KCNMA1: variants seen among roughly 807,000 people sequenced by gnomAD.
The protein encoded by KCNMA1 is potassium calcium-activated channel subfamily M alpha 1.
KCNMA1 carries 29 observed loss-of-function variants against 140.0 expected under a neutral mutation model. The observed-to-expected ratio is 0.21, with a 90% CI of 0.15 to 0.28. The LOEUF is 0.28. Ranked by LOEUF, KCNMA1 falls within the 10% of genes least tolerant of loss-of-function variation. KCNMA1 has a pLI of 1.00. For missense variants in KCNMA1, 880 were observed against 1,602.2 expected, an observed-to-expected ratio of 0.55 and a Z score of 7.70; for synonymous variants, 612 against 611.9, an observed-to-expected ratio of 1.00 and a Z score of 0.00.
In KCNMA1 at chr10:77,343,986, C is replaced by T. The variant is rs144928552; in HGVS notation, c.540+59876G>A. 3.5e-3 allele frequency among the ~76,000 whole-genome samples: 527 copies of T among 152,308 alleles called. 1 individual carries two copies. Among genetic ancestry groups the T allele is most frequent in the African/African-American group, 0.012 (499 of 41,560 alleles). On this transcript the variant is annotated intron_variant, in intron 2 of 27. Transcript: ENST00000286628. ...TCATGGGCCTAGGCATCAGAAGCTC[C>T]GCCATCTTGCACTGCAACCCTGGAA...
At chr10:77,245,924 A>T (rs2058446485) in intron 3 of KCNMA1, among the ~76,000 whole-genome samples, 1 of 152,180 alleles carries the variant, frequency 6.6e-6, no homozygotes, top group South Asian at 2.1e-4. Flanking sequence ...AGCCATTATT[A>T]GGAAGAACTG....
intron 1 of KCNMA1, among the ~76,000 whole-genome samples, chr10:77,480,697 G>C (rs915733981): frequency 3.9e-5 from 6 of 152,006 alleles, no homozygotes; most frequent in African/African-American, 1.5e-4. Flanking sequence ...CAAGACTCTG[G>C]AGCCACAGCT....
chr10:77,035,047 C>T (rs868047300), intron 15 of KCNMA1, among the ~76,000 whole-genome samples: 15 of 152,104 alleles, frequency 9.9e-5, no homozygotes, highest in African/African-American at 2.7e-4. Context: ...CCCTCGCTTT[C>T]GCAAGTGCTC....
chr10:76,878,690 A>G (rs910684759), intron 29 of KCNMA1, among the ~76,000 whole-genome samples: 3 of 152,162 alleles, frequency 2.0e-5, no homozygotes, highest in Non-Finnish European at 4.4e-5. Flanking sequence ...TCCACCCTAA[A>G]TACAGAAATG....
chr10:77,578,163 G>A (rs575731621), intron 1 of KCNMA1, among the ~76,000 whole-genome samples: 1 of 152,322 alleles, frequency 6.6e-6, no homozygotes, highest in South Asian at 2.1e-4. Context: ...TCTCCTGAGT[G>A]GTGTGTGGAC....
At chr10:77,248,718 AT>A (rs968667294) in intron 3 of KCNMA1, among the ~76,000 whole-genome samples, 22 of 151,050 alleles carry the variant, frequency 1.5e-4, no homozygotes, top group Non-Finnish European at 2.2e-4. Context: ...ATAGAACTTC[AT>A]TTTTTTTTCT....
intron 21 of KCNMA1, chr10:76,952,235 A>G (rs2066541856): frequency 1.3e-6 from 2 of 1,487,596 alleles, no homozygotes; most frequent in Admixed American, 2.1e-5. Context: ...GAATGTACAT[A>G]TATGGCTGGG....
At chr10:77,035,640 A>G (rs2094274458) in intron 15 of KCNMA1, among the ~76,000 whole-genome samples, 1 of 152,376 alleles carries the variant, frequency 6.6e-6, no homozygotes, top group African/African-American at 2.4e-5. Context: ...CAATTCATTA[A>G]ATATCTGATT....
At chr10:77,084,099 C>T (rs1023847767) in intron 12 of KCNMA1, among the ~76,000 whole-genome samples, 2 of 152,072 alleles carry the variant, frequency 1.3e-5, no homozygotes, top group South Asian at 2.1e-4. Flanking sequence ...TTCTCAGCCT[C>T]GACACCATTA....
chr10:77,431,603 A>G (rs2097152259), intron 1 of KCNMA1, among the ~76,000 whole-genome samples: 1 of 148,248 alleles, frequency 6.7e-6, no homozygotes, highest in African/African-American at 2.5e-5. Flanking sequence ...CTAAGGGCTC[A>G]GCCCTAGGGC....
At chr10:77,014,155 G>A (rs2091486178) in intron 17 of KCNMA1, among the ~76,000 whole-genome samples, 1 of 152,190 alleles carries the variant, frequency 6.6e-6, no homozygotes, top group African/African-American at 2.4e-5. Context: ...TTGGCTGGGT[G>A]TGGCGGCTGA....
chr10:77,401,345 TG>T (rs1295868721), intron 2 of KCNMA1, among the ~76,000 whole-genome samples: 3 of 152,036 alleles, frequency 2.0e-5, no homozygotes, highest in Admixed American at 1.3e-4. Context: ...TTAGTAGAGA[TG>T]GGGTTTCACT....
In KCNMA1 at chr10:76,897,567, G is replaced by A. The variant is rs537121087; in HGVS notation, c.3148-5848C>T. 1.5e-3 allele frequency among the ~76,000 whole-genome samples: 228 copies of A among 151,966 alleles called. 3 individuals are homozygous for A. Among genetic ancestry groups the A allele is most frequent in the African/African-American group, 5.0e-3 (209 of 41,470 alleles). On this transcript the variant is annotated intron_variant, in intron 25 of 27. Transcript: ENST00000286628. Reference sequence around the variant, plus strand: ...ATTTTTTGACTCTTTGCGTACATAAGCATTTATTGATTTAATTTTTTTAAA... The same window carrying A: ...ATTTTTTGACTCTTTGCGTACATAAACATTTATTGATTTAATTTTTTTAAA...
intron 1 of KCNMA1, among the ~76,000 whole-genome samples, chr10:77,455,634 G>A (rs1400864975): frequency 6.6e-6 from 1 of 152,144 alleles, no homozygotes; most frequent in African/African-American, 2.4e-5. Flanking sequence ...ACTCAGGCAG[G>A]GCTTGAGGCC....
intron 2 of KCNMA1, among the ~76,000 whole-genome samples, chr10:77,326,805 G>A (rs1340530318): frequency 6.6e-6 from 1 of 152,014 alleles, no homozygotes; most frequent in Non-Finnish European, 1.5e-5. Context: ...TTCCACTTTG[G>A]GCCTCAGCTT....
intron 1 of KCNMA1, among the ~76,000 whole-genome samples, chr10:77,605,145 G>A (rs962485332): frequency 1.3e-5 from 2 of 152,242 alleles, no homozygotes; most frequent in Non-Finnish European, 2.9e-5. Context: ...CAAGGACCGC[G>A]CCCAGCCGCA....
At chr10:77,263,302 C>A (rs1166423968) in intron 2 of KCNMA1, among the ~76,000 whole-genome samples, 1 of 152,186 alleles carries the variant, frequency 6.6e-6, no homozygotes, top group African/African-American at 2.4e-5. Context: ...CTCTAGTCTA[C>A]AACCAATGCC....
chr10:77,210,141 T>C (rs2045578230), intron 3 of KCNMA1, among the ~76,000 whole-genome samples: 1 of 152,136 alleles, frequency 6.6e-6, no homozygotes. Context: ...ATATCCCTGA[T>C]GAACATAGAT....
chr10:77,167,341 G>A (rs1045407134), intron 5 of KCNMA1, among the ~76,000 whole-genome samples: 3 of 152,172 alleles, frequency 2.0e-5, no homozygotes, highest in Non-Finnish European at 4.4e-5. Context: ...CCTTTGAAGA[G>A]AGACATTCAC....
Sources: gnomAD v4.1 joint callset for allele counts (sites outside exome capture counted in the v4.1 genomes callset) on GRCh38, gnomAD v4.1.1 for gene constraint, MANE v1.5 for transcripts, NCBI Gene and HGNC (gene_info 2026-07-23, HGNC 2026-07-21) for gene names.